The following AHNAK2 variants were observed in gnomAD, a reference collection of about 807,000 sequenced individuals.
AHNAK2 encodes protein AHNAK2.
In AHNAK2, 18 loss-of-function variants were observed where a neutral mutation model predicts 30.7. The ratio of observed to expected loss-of-function variants is 0.59; its 90% CI spans 0.41 to 0.87. The LOEUF is 0.87. AHNAK2 is among the 40% of genes least tolerant of loss of function. The pLI, the probability that AHNAK2 is intolerant of heterozygous loss-of-function variation, is 0.00. For synonymous variants in AHNAK2, 3,590 were observed against 3,073.8 expected (o/e 1.17, Z -5.56); for missense variants, 8,604 against 7,373.0 (o/e 1.17, Z -6.11).
Position 104,947,481 on chromosome 14 carries a change from G to T in AHNAK2, c.7970C>A (p.Ser2657Ter). The part of the protein sequence containing the change: ...KFKMPKFKMP[S>*]FRVSAPGESI... ...CTCGCCTGGGGCCGACACCCTGAAT[G>T]ATGGCATCTTGAACTTGGGCATTTT... The change falls in exon 7 of 7, where the codon TCA (serine) becomes TAA (stop). Residue 2657 changes from serine to a stop codon, truncating the protein, a stop_gained. Transcript: ENST00000333244. LOFTEE classifies it low-confidence loss of function (END_TRUNC). The T allele has an allele frequency of 6.2e-7, 1 of 1,612,608 alleles. No individual in the cohort carries two copies. Among genetic ancestry groups the T allele is most frequent in the East Asian group, 2.2e-5 (1 of 44,684 alleles).
In AHNAK2 at chr14:104,941,736, T is replaced by G; in HGVS notation, c.13715A>C (p.Lys4572Thr). 6.2e-7 allele frequency: 1 copy of G among 1,613,792 alleles called. No homozygotes were observed. The highest frequency in any genetic ancestry group is 2.2e-5 in the East Asian group (1 of 44,842). The part of the protein sequence containing the change: ...KGPQVDVKGP[K>T]LDLKGPKAEV... The stretch of plus-strand genomic sequence containing the variant: ...TGCCTTTGGGCCTTTCAGGTCCAGC[T>G]TGGGGCCCTTGACGTCCACCTGGGG... Residue 4572 changes from lysine (K) to threonine (T), a missense_variant, in exon 7 of 7, where the codon AAG becomes ACG. Lys to Thr is a moderately conservative substitution (Grantham distance 78). Transcript: ENST00000333244.
rs1166219249 is a variant in AHNAK2 at position 104,945,807 on chromosome 14, T to C, written c.9644A>G (p.His3215Arg). 6.6e-7 allele frequency: 1 copy of C among 1,525,596 alleles called. No individual in the cohort carries two copies. The highest frequency in any genetic ancestry group is 9.0e-7 in the Non-Finnish European group (1 of 1,113,316). 94.5% of individuals were successfully genotyped at this position (1,525,596 alleles called of 1,614,324 possible). The change falls in exon 7 of 7, where the codon CAC (histidine) becomes CGC (arginine). Residue 3215 changes from histidine to arginine, a missense_variant. His to Arg is a conservative substitution (Grantham distance 29, BLOSUM62 0). Transcript: ENST00000333244. ...GQVDVKLPEGHVLEGAGLKGH... is the reference protein window; with the variant it reads ...GQVDVKLPEGRVLEGAGLKGH... ...TTTGAGGCCAGCTCCCTCGAGAACG[T>C]GGCCCTCTGGGAGCTTCACGTCCAC...
Position 104,938,526 on chromosome 14 carries a change from G to A in AHNAK2, c.16925C>T (p.Ser5642Phe). 2 of 1,613,550 alleles carry A rather than the reference G, an allele frequency of 1.2e-6. No individual in the cohort carries two copies. The highest frequency in any genetic ancestry group is 1.7e-6 in the Non-Finnish European group (2 of 1,179,766). ...APKDKPESKK[S>F]GLLWFWLPNI... ...TGGAAGCCAAAACCAGAGCAGACCA[G>A]ATTTTTTACTTTCTGGTTTGTCTTT... Residue 5642 changes from serine to phenylalanine, a missense_variant, in exon 7 of 7, where the codon TCT (serine) becomes TTT (phenylalanine). Ser to Phe is a radical substitution (Grantham distance 155, BLOSUM62 -2). Transcript: ENST00000333244.
At chr14:104,970,841 G>A (rs966505251) in intron 1 of AHNAK2, among the ~76,000 whole-genome samples, 9 of 152,212 alleles carry the variant, frequency 5.9e-5, no homozygotes, top group African/African-American at 2.2e-4. Context: ...CAGGCCTGAG[G>A]CAGGTCCCTC....
Position 104,946,758 on chromosome 14 carries a change from T to C in AHNAK2, c.8693A>G (p.Lys2898Arg). 6.2e-7 allele frequency: 1 copy of C among 1,612,768 alleles called. No individual in the cohort carries two copies. Among genetic ancestry groups the C allele is most frequent in the Non-Finnish European group, 8.5e-7 (1 of 1,179,586 alleles). Residue 2898 changes from lysine to arginine, a missense_variant, in exon 7 of 7, where the codon AAG becomes AGG. Transcript: ENST00000333244. ...EGAGLKGHLPKVQMPSFKMPK... is the reference protein window; with the variant it reads ...EGAGLKGHLPRVQMPSFKMPK... The stretch of plus-strand genomic sequence containing the variant: ...CATCTTGAAACTGGGCATCTGCACC[T>C]TGGGCAGGTGCCCTTTGAGGCCGGC...
intron 1 of AHNAK2, among the ~76,000 whole-genome samples, chr14:104,960,251 A>C (rs1055097570): frequency 6.6e-6 from 1 of 152,230 alleles, no homozygotes; most frequent in East Asian, 1.9e-4. Flanking sequence ...TCAGCCTCTC[A>C]TATCAGTGGT....
chr14:104,962,722 C>T (rs1005731783), intron 1 of AHNAK2, among the ~76,000 whole-genome samples: 12 of 152,142 alleles, frequency 7.9e-5, no homozygotes, highest in Admixed American at 6.5e-5. Context: ...CCACCATGCC[C>T]GGCCAAATTC....
Position 104,949,810 on chromosome 14 carries a change from C to G in AHNAK2, c.5641G>C (p.Val1881Leu). ...LCIPLPSADL[V>L]VQAGQVDMKL... ...ATGTCCACTTGGCCAGCCTGGACCA[C>G]CAGGTCTGCAGAAGGGAGCGGAATG... is the stretch of plus-strand genomic sequence containing the variant. Residue 1881 changes from valine to leucine, a missense_variant, in exon 7 of 7, where the codon GTG (valine) becomes CTG (leucine). Transcript: ENST00000333244. 2 of 1,586,776 alleles carry G rather than the reference C, an allele frequency of 1.3e-6. 1 individual carries two copies. The highest frequency in any genetic ancestry group is 3.3e-4 in the Middle Eastern group (2 of 6,022).
chr14:104,968,788 G>A (rs113562349), intron 1 of AHNAK2, among the ~76,000 whole-genome samples: 5 of 152,342 alleles, frequency 3.3e-5, no homozygotes, highest in Admixed American at 6.5e-5. Flanking sequence ...GTGTGCACAC[G>A]TGTGTGCTCA....
chr14:104,966,507 C>T lies in AHNAK2; in HGVS notation c.56-8835G>A, dbSNP rs1208118238. Among the ~76,000 whole-genome samples the T allele has an allele frequency of 6.6e-6, 1 of 152,202 alleles. No individual in the cohort carries two copies. The highest frequency in any genetic ancestry group is 6.5e-5 in the Admixed American group (1 of 15,284). On this transcript the variant is annotated intron_variant, in intron 1 of 6. Transcript: ENST00000333244. The surrounding 1 kb of genome is among the most constrained non-coding windows in gnomAD (Gnocchi z 4.3). Reference sequence around the variant, plus strand: ...ACCTTTGCATTCAGACACTGCCCCACCACCTGACAGGGCCCCTGCTGCTCC... The same window carrying T: ...ACCTTTGCATTCAGACACTGCCCCATCACCTGACAGGGCCCCTGCTGCTCC...
In AHNAK2 at chr14:104,953,322, C is replaced by G; in HGVS notation, c.2129G>C (p.Ser710Thr). The G allele has an allele frequency of 6.2e-7, 1 of 1,613,316 alleles. No individual in the cohort carries two copies. The highest frequency in any genetic ancestry group is 2.2e-5 in the East Asian group (1 of 44,814). ...GAGGTCCCCCTGCATGGAGAGGAGG[C>G]TCACGTCGGCCTCCACCTTCGGCGC... Reference protein sequence around the residue: ...VSAPKVEADVSLLSMQGDLKT... With the variant: ...VSAPKVEADVTLLSMQGDLKT... Residue 710 changes from serine (S) to threonine (T), a missense_variant, in exon 7 of 7, where the codon AGC (serine) becomes ACC (threonine). By Grantham distance (58) the Ser-to-Thr change is moderately conservative. Transcript: ENST00000333244.
At position 104,953,383 on chromosome 14, in the gene AHNAK2, G is replaced by T. The variant is rs755818945; in HGVS notation, c.2068C>A (p.Pro690Thr). Residue 690 changes from proline to threonine, a missense_variant, in exon 7 of 7, where the codon CCA becomes ACA. Pro to Thr is a conservative substitution (Grantham distance 38, BLOSUM62 -1). Transcript: ENST00000333244. ...ACCGAGGCCTCCATGGACTTGCCTGGGGCTGACGCCCCGAACAATGGCATC... is the reference window on the plus strand; with the variant it reads ...ACCGAGGCCTCCATGGACTTGCCTGTGGCTGACGCCCCGAACAATGGCATC... ...FKMPLFGASA[P>T]GKSMEASVDV... The T allele has an allele frequency of 1.2e-6, 2 of 1,613,848 alleles. No homozygotes were observed. Among genetic ancestry groups the T allele is most frequent in the South Asian group, 1.1e-5 (1 of 91,074 alleles).
Position 104,938,521 on chromosome 14 carries a change from G to A in AHNAK2, c.16930C>T (p.Leu5644=). 6.2e-7 allele frequency: 1 copy of A among 1,613,544 alleles called. No individual in the cohort carries two copies. The change falls in exon 7 of 7, where the codon CTG becomes TTG. Residue 5644 remains leucine, a synonymous_variant. Coordinates refer to ENST00000333244, the MANE Select transcript of AHNAK2 (RefSeq NM_138420.4). ...ATGTTTGGAAGCCAAAACCAGAGCA[G>A]ACCAGATTTTTTACTTTCTGGTTTG... The part of the protein sequence containing the change: ...KDKPESKKSG[L]LWFWLPNIGF...
chr14:104,964,549 C>T (rs117572554), intron 1 of AHNAK2, among the ~76,000 whole-genome samples: 1,735 of 152,126 alleles, frequency 0.011, 23 homozygotes, highest in Non-Finnish European at 0.019. Flanking sequence ...CACCCAGAAA[C>T]CAGAGATTCA....
chr14:104,967,816 C>T (rs528572817), intron 1 of AHNAK2, among the ~76,000 whole-genome samples: 2 of 152,346 alleles, frequency 1.3e-5, no homozygotes, highest in South Asian at 2.1e-4. Flanking sequence ...CTACCGGCCT[C>T]GGACCCGCGC....
Position 104,944,359 on chromosome 14 carries a change from G to T in AHNAK2, c.11092C>A (p.Gln3698Lys), listed in dbSNP as rs545221853. ...AGCTTCACATCCATCTGGCCAGCCT[G>T]GACCTTCAGGTCGGCAGAAGGGGGC... ...IQPPSADLKVQAGQMDVKLPE... is the reference protein window; with the variant it reads ...IQPPSADLKVKAGQMDVKLPE... Residue 3698 changes from glutamine to lysine, a missense_variant, in exon 7 of 7, where the codon CAG becomes AAG. Transcript: ENST00000333244. 2 of 1,612,596 alleles carry T rather than the reference G, an allele frequency of 1.2e-6. No homozygotes were observed. The highest frequency in any genetic ancestry group is 3.3e-5 in the Admixed American group (2 of 59,886).
At position 104,952,218 on chromosome 14, in the gene AHNAK2, T is replaced by G; in HGVS notation, c.3233A>C (p.Lys1078Thr). 2 of 1,612,422 alleles carry G rather than the reference T, an allele frequency of 1.2e-6. No individual in the cohort carries two copies. The highest frequency in any genetic ancestry group is 2.2e-5 in the South Asian group (2 of 91,014). Residue 1078 changes from lysine (K) to threonine (T), a missense_variant, in exon 7 of 7, where the codon AAA (lysine) becomes ACA (threonine). Transcript: ENST00000333244. ...CATCTCCACCTTGGGCAAGTGCCCT[T>G]TAAGGCCAGCTCCCTCGGGCAGGTG... ...EGHLPEGAGL[K>T]GHLPKVEMPS...
Position 104,947,507 on chromosome 14 carries a change from G to A in AHNAK2, c.7944C>T (p.Phe2648=). Residue 2648 remains phenylalanine (F), a synonymous_variant, in exon 7 of 7, where the codon TTC becomes TTT. Transcript: ENST00000333244. The part of the protein sequence containing the change: ...DKGVTAKDSK[F]KMPKFKMPSF... ...ATGGCATCTTGAACTTGGGCATTTTGAACTTGCTATCTTTGGCTGTCACAC... is the reference window on the plus strand; with the variant it reads ...ATGGCATCTTGAACTTGGGCATTTTAAACTTGCTATCTTTGGCTGTCACAC... 1 of 1,612,644 alleles carries A rather than the reference G, an allele frequency of 6.2e-7. No homozygotes were observed. The highest frequency in any genetic ancestry group is 8.5e-7 in the Non-Finnish European group (1 of 1,179,614).
chr14:104,945,059 C>T lies in AHNAK2; in HGVS notation c.10392G>A (p.Lys3464=). 6.2e-7 allele frequency: 1 copy of T among 1,613,182 alleles called. No individual in the cohort carries two copies. The highest frequency in any genetic ancestry group is 8.5e-7 in the Non-Finnish European group (1 of 1,179,710). Residue 3464 remains lysine (K), a synonymous_variant, in exon 7 of 7, where the codon AAG becomes AAA. Transcript: ENST00000333244. ...RLEGDLSLAE[K]DVTAKDSKFK... is the part of the protein sequence containing the mutation. ...ACTTGCTGTCTTTGGCAGTCACATC[C>T]TTTTCAGCCAGGGACAGGTCCCCCT...
Sources: allele counts gnomAD v4.1 joint callset (sites outside exome capture counted in the v4.1 genomes callset), GRCh38; gene constraint gnomAD v4.1.1; non-coding constraint Gnocchi (gnomAD v3.1); transcripts MANE v1.5; gene names NCBI Gene and HGNC (gene_info 2026-07-23, HGNC 2026-07-21).